The following PRKG1 variants were observed in gnomAD, a reference collection of about 807,000 sequenced individuals.
PRKG1 encodes the protein cGMP-dependent protein kinase 1.
Under a neutral mutation model 88.1 loss-of-function variants are expected in PRKG1, and 35 were observed. The ratio of observed to expected loss-of-function variants is 0.40; its 90% CI spans 0.30 to 0.53. PRKG1 has a LOEUF of 0.53. Among genes scored for constraint, PRKG1 ranks in the 20% least tolerant of loss-of-function variants. PRKG1 has a pLI of 0.59. For synonymous variants in PRKG1, 303 were observed against 292.5 expected, an observed-to-expected ratio of 1.04 and a Z score of -0.37; for missense variants, 540 against 839.8, an observed-to-expected ratio of 0.64 and a Z score of 4.41.
At chr10:52,074,383 T>G (rs976787914) in intron 7 of PRKG1, among the ~76,000 whole-genome samples, 3 of 152,214 alleles carry the variant, frequency 2.0e-5, no homozygotes, top group African/African-American at 7.2e-5. Context: ...AATGGTTTAT[T>G]TATCTCTACT....
chr10:51,633,511 A>G (rs1839579335), intron 3 of PRKG1, among the ~76,000 whole-genome samples: 1 of 152,192 alleles, frequency 6.6e-6, no homozygotes, highest in Non-Finnish European at 1.5e-5. Flanking sequence ...TGTTTTCACA[A>G]CAAAATTTTC....
chr10:52,134,857 A>G (rs1837362356), intron 8 of PRKG1, among the ~76,000 whole-genome samples: 1 of 152,104 alleles, frequency 6.6e-6, no homozygotes, highest in South Asian at 2.1e-4. Flanking sequence ...CTGGATCACT[A>G]GAACCAGAGC....
intron 5 of PRKG1, among the ~76,000 whole-genome samples, chr10:52,043,964 T>C (rs1845808779): frequency 1.3e-5 from 2 of 150,338 alleles, no homozygotes; most frequent in African/African-American, 2.4e-5. Flanking sequence ...GCCCAGGTTA[T>C]CCCTTTCTTT....
intron 1 of PRKG1, among the ~76,000 whole-genome samples, chr10:51,095,569 A>T (rs1844507481): frequency 6.6e-6 from 1 of 152,140 alleles, no homozygotes; most frequent in East Asian, 1.9e-4. Flanking sequence ...CTTATAGTTA[A>T]CAGCAATTGC....
chr10:52,285,054 C>T (rs937819044), intron 14 of PRKG1, among the ~76,000 whole-genome samples: 11 of 151,944 alleles, frequency 7.2e-5, no homozygotes, highest in African/African-American at 1.9e-4. Flanking sequence ...TCATGGTAGG[C>T]GGCCCAATCT....
At chr10:51,489,926 G>A (rs1328403818) in intron 3 of PRKG1, among the ~76,000 whole-genome samples, 1 of 152,128 alleles carries the variant, frequency 6.6e-6, no homozygotes, top group Non-Finnish European at 1.5e-5. Flanking sequence ...AACTGAATGT[G>A]GACTCACTTA....
At chr10:52,022,106 C>T (rs1381983667) in intron 5 of PRKG1, among the ~76,000 whole-genome samples, 1 of 152,150 alleles carries the variant, frequency 6.6e-6, no homozygotes, top group African/African-American at 2.4e-5. Context: ...AGCAGTGCAG[C>T]TCCAAGTCAG....
At chr10:51,197,127 T>C (rs2132049597) in intron 2 of PRKG1, among the ~76,000 whole-genome samples, 1 of 152,194 alleles carries the variant, frequency 6.6e-6, no homozygotes, top group African/African-American at 2.4e-5. Context: ...TTTATAAAAA[T>C]TATTAACACC....
At chr10:51,317,567 G>C (rs1157499738) in intron 2 of PRKG1, among the ~76,000 whole-genome samples, 1 of 152,098 alleles carries the variant, frequency 6.6e-6, no homozygotes, top group Non-Finnish European at 1.5e-5. Context: ...TAGTTGAAAG[G>C]GAAAGAAGCA....
At chr10:51,356,960 T>C (rs185054640) in intron 2 of PRKG1, among the ~76,000 whole-genome samples, 1 of 152,138 alleles carries the variant, frequency 6.6e-6, no homozygotes, top group Admixed American at 6.6e-5. Flanking sequence ...ATTCCCATTG[T>C]GCTGTTAGCA....
intron 1 of PRKG1, among the ~76,000 whole-genome samples, chr10:51,032,243 T>C (rs895735389): frequency 6.6e-5 from 10 of 152,256 alleles, no homozygotes; most frequent in Middle Eastern, 6.8e-3. Flanking sequence ...TGCAGCTCAT[T>C]GGCACCACCC....
intron 2 of PRKG1, among the ~76,000 whole-genome samples, chr10:51,416,730 G>A (rs974961379): frequency 6.6e-6 from 1 of 152,124 alleles, no homozygotes; most frequent in South Asian, 2.1e-4. Context: ...AGAGGGTCAC[G>A]TACATTTGCT....
At chr10:51,993,770 T>C (rs1844369839) in intron 5 of PRKG1, among the ~76,000 whole-genome samples, 2 of 152,346 alleles carry the variant, frequency 1.3e-5, no homozygotes, top group African/African-American at 4.8e-5. Flanking sequence ...TTGATTTACA[T>C]GACAATTGTC....
chr10:51,639,964 TA>T (rs1839756770), intron 3 of PRKG1, among the ~76,000 whole-genome samples: 1 of 152,218 alleles, frequency 6.6e-6, no homozygotes, highest in African/African-American at 2.4e-5. Flanking sequence ...CTCACAGCCT[TA>T]GTCTCTGGAT....
intron 3 of PRKG1, among the ~76,000 whole-genome samples, chr10:51,537,706 T>A (rs1777197371): frequency 7.6e-6 from 1 of 131,744 alleles, no homozygotes; most frequent in Non-Finnish European, 1.5e-5. Context: ...CTAGCCTATG[T>A]GACAGAGCAA....
At chr10:51,670,062 A>G (rs1411258222) in intron 3 of PRKG1, among the ~76,000 whole-genome samples, 1 of 152,162 alleles carries the variant, frequency 6.6e-6, no homozygotes, top group Admixed American at 6.5e-5. Flanking sequence ...GTTGATGTGA[A>G]TGAGTTTAAA....
Position 52,295,441 on chromosome 10 carries a change from A to C in PRKG1, c.*1541A>C, listed in dbSNP as rs1842360614. On this transcript the variant is annotated 3_prime_UTR_variant, in exon 18 of 18. Coordinates refer to ENST00000373980, the MANE Select transcript of PRKG1 (RefSeq NM_006258.4). Reference sequence around the variant, plus strand: ...AAGCTGATTTACTTTATTCACATGGAGAAAAGAATCCACAAATTAAACTGA... The same window carrying C: ...AAGCTGATTTACTTTATTCACATGGCGAAAAGAATCCACAAATTAAACTGA... 6.6e-6 allele frequency: 1 copy of C among 152,084 alleles called. No homozygotes were observed. The highest frequency in any genetic ancestry group is 1.5e-5 in the Non-Finnish European group (1 of 67,944). 9.4% of individuals were successfully genotyped at this position (152,084 alleles called of 1,614,324 possible).
intron 3 of PRKG1, among the ~76,000 whole-genome samples, chr10:51,522,702 A>G (rs1023023678): frequency 1.2e-4 from 18 of 152,198 alleles, no homozygotes; most frequent in African/African-American, 4.3e-4. Context: ...ATTGATTGAA[A>G]TCATTTCCTT....
intron 4 of PRKG1, among the ~76,000 whole-genome samples, chr10:51,894,973 G>A (rs1436764071): frequency 1.3e-5 from 2 of 152,116 alleles, no homozygotes; most frequent in Non-Finnish European, 2.9e-5. Flanking sequence ...CTATAGTTAC[G>A]ATGATAAGGA....
Sources: gnomAD v4.1 joint callset for allele counts (sites outside exome capture counted in the v4.1 genomes callset) on GRCh38, gnomAD v4.1.1 for gene constraint, MANE v1.5 for transcripts, NCBI Gene and HGNC (gene_info 2026-07-23, HGNC 2026-07-21) for gene names.